Variants in PCSK5 observed in about 807,000 individuals in gnomAD.
The protein encoded by PCSK5 is prohormone convertase 5.
Under a neutral mutation model 233.2 loss-of-function variants are expected in PCSK5, and 129 were observed. The observed-to-expected ratio is 0.55, with a 90% CI of 0.48 to 0.64. PCSK5 has a LOEUF of 0.64. PCSK5 is among the 30% of genes least tolerant of loss of function. The probability of loss-of-function intolerance (pLI) is 0.00; values close to 1 mark genes in which losing one functional copy is unlikely to be tolerated. For missense variants in PCSK5, 2,076 were observed against 2,430.1 expected, an observed-to-expected ratio of 0.85 and a Z score of 3.06; for synonymous variants, 825 against 879.2, an observed-to-expected ratio of 0.94 and a Z score of 1.09.
chr9:76,089,357 T>C (rs1465268641), intron 7 of PCSK5, among the ~76,000 whole-genome samples: 1 of 152,180 alleles, frequency 6.6e-6, no homozygotes. Context: ...TGTTTTGTTG[T>C]GTCTCTTCAA....
intron 5 of PCSK5, among the ~76,000 whole-genome samples, chr9:76,055,644 T>C (rs534109500): frequency 6.6e-6 from 1 of 152,278 alleles, no homozygotes; most frequent in African/African-American, 2.4e-5. Context: ...CCACAGAGCA[T>C]TGATAGTAGG....
intron 2 of PCSK5, among the ~76,000 whole-genome samples, chr9:75,969,634 A>G (rs138714609): frequency 6.6e-6 from 1 of 152,292 alleles, no homozygotes; most frequent in African/African-American, 2.4e-5. Context: ...TGGACCAATA[A>G]AAGAAGCAAG....
At chr9:76,331,570 G>A (rs1463992098) in intron 33 of PCSK5, among the ~76,000 whole-genome samples, 2 of 152,062 alleles carry the variant, frequency 1.3e-5, no homozygotes, top group Non-Finnish European at 2.9e-5. Flanking sequence ...GGGAGGCTTA[G>A]GCAGGAGAAT....
intron 32 of PCSK5, among the ~76,000 whole-genome samples, chr9:76,325,343 C>T (rs1216272122): frequency 6.6e-6 from 1 of 152,132 alleles, no homozygotes; most frequent in African/African-American, 2.4e-5. Context: ...AGTATGTTTT[C>T]TTAATTTATC....
intron 24 of PCSK5, among the ~76,000 whole-genome samples, chr9:76,242,042 A>G (rs1826446653): frequency 6.6e-6 from 1 of 152,222 alleles, no homozygotes; most frequent in Non-Finnish European, 1.5e-5. Flanking sequence ...TTGTGCCAGA[A>G]TAAAGCAGAC....
intron 17 of PCSK5, among the ~76,000 whole-genome samples, chr9:76,186,607 GCTGT>G (rs1824114567): frequency 6.6e-6 from 1 of 152,176 alleles, no homozygotes; most frequent in African/African-American, 2.4e-5. Flanking sequence ...GTTGGTGACT[GCTGT>G]CTGTTACACG....
At chr9:75,920,268 A>G (rs1010658035) in intron 1 of PCSK5, among the ~76,000 whole-genome samples, 1 of 152,152 alleles carries the variant, frequency 6.6e-6, no homozygotes, top group African/African-American at 2.4e-5. Context: ...AGCTGTCCCA[A>G]GCTAGTCTCT....
chr9:75,900,041 G>A (rs1423194984), intron 1 of PCSK5, among the ~76,000 whole-genome samples: 3 of 152,140 alleles, frequency 2.0e-5, no homozygotes, highest in African/African-American at 4.8e-5. Flanking sequence ...GTCAGGTTGT[G>A]GGGCAGTAGA....
intron 23 of PCSK5, among the ~76,000 whole-genome samples, chr9:76,240,002 A>G (rs546966471): frequency 6.6e-6 from 1 of 152,300 alleles, no homozygotes; most frequent in East Asian, 1.9e-4. Flanking sequence ...TGTGAATCGT[A>G]TGTGTTATTG....
intron 5 of PCSK5, among the ~76,000 whole-genome samples, chr9:76,051,071 G>T (rs1829613228): frequency 2.0e-5 from 3 of 152,032 alleles, no homozygotes; most frequent in Admixed American, 2.0e-4. Flanking sequence ...CATTTCTAGG[G>T]GTCTAACCTC....
At position 75,891,111 on chromosome 9, in the gene PCSK5, G is replaced by C. The variant is rs1479776971; in HGVS notation, c.-71G>C. On this transcript the variant is annotated 5_prime_UTR_variant, in exon 1 of 38. Transcript: ENST00000674117. ...TGCTCGCCGGGCGGCGCAGGCCGGA[G>C]AAGTTAGTTGTGCGCGCCCTTAGTG... 2.5e-6 allele frequency: 3 copies of C among 1,221,870 alleles called. No homozygotes were observed. In the Admixed American group the frequency reaches 1.2e-4, roughly 48 times the overall value. The allele number at this position is 1,221,870 out of a possible 1,614,324, so 75.7% of individuals were successfully genotyped here.
chr9:76,340,875 T>A (rs1031926947), intron 35 of PCSK5, among the ~76,000 whole-genome samples: 2 of 151,878 alleles, frequency 1.3e-5, no homozygotes, highest in African/African-American at 4.8e-5. Context: ...ATCCAACCCA[T>A]CTATTTTTTT....
intron 5 of PCSK5, among the ~76,000 whole-genome samples, chr9:76,058,754 C>T (rs548159551): frequency 6.6e-6 from 1 of 152,224 alleles, no homozygotes; most frequent in Non-Finnish European, 1.5e-5. Context: ...TTATTAGATA[C>T]AGGATACTGT....
chr9:76,108,944 C>T (rs943853732), intron 9 of PCSK5, among the ~76,000 whole-genome samples: 44 of 152,102 alleles, frequency 2.9e-4, no homozygotes, highest in Non-Finnish European at 5.6e-4. Context: ...GATATGGTGC[C>T]CTGTCTCTGG....
At chr9:76,323,728 C>T (rs2842466) in intron 32 of PCSK5, among the ~76,000 whole-genome samples, 53,939 of 152,048 alleles carry the variant, frequency 0.35, 10,044 homozygotes, top group African/African-American at 0.44. Context: ...AAGCTTTGTA[C>T]AGGTAACTTT....
chr9:76,216,415 T>C (rs553818751), intron 20 of PCSK5, among the ~76,000 whole-genome samples: 25 of 152,320 alleles, frequency 1.6e-4, no homozygotes, highest in African/African-American at 6.0e-4. Flanking sequence ...TGGGTTTATA[T>C]TGAGGTTGCA....
chr9:76,252,217 G>A (rs552666656), intron 24 of PCSK5, among the ~76,000 whole-genome samples: 10 of 152,248 alleles, frequency 6.6e-5, no homozygotes, highest in South Asian at 4.1e-4. Flanking sequence ...GCAGTGAGCC[G>A]CGATCGCGTG....
At chr9:76,016,537 G>A (rs1357448379) in intron 3 of PCSK5, among the ~76,000 whole-genome samples, 1 of 152,150 alleles carries the variant, frequency 6.6e-6, no homozygotes, top group Non-Finnish European at 1.5e-5. Context: ...CTTGTTCTTG[G>A]TGCCTCAGAA....
intron 24 of PCSK5, among the ~76,000 whole-genome samples, chr9:76,248,771 C>T (rs889682419): frequency 7.9e-5 from 12 of 151,998 alleles, no homozygotes; most frequent in Admixed American, 2.6e-4. Flanking sequence ...GATAATATCA[C>T]CTCATATTCT....
Sources: gnomAD v4.1 joint callset for allele counts (sites outside exome capture counted in the v4.1 genomes callset) on GRCh38, gnomAD v4.1.1 for gene constraint, MANE v1.5 for transcripts, NCBI Gene and HGNC (gene_info 2026-07-23, HGNC 2026-07-21) for gene names.